Variants in LRMDA observed in about 807,000 individuals in gnomAD.
LRMDA encodes leucine rich melanocyte differentiation associated.
In LRMDA, 18 loss-of-function variants were observed where a neutral mutation model predicts 29.8. That is an observed-to-expected ratio of 0.60 (90% CI 0.42 to 0.90). The LOEUF (loss-of-function observed/expected upper bound fraction) is 0.90, where lower values mean the gene tolerates loss of function less well. Ranked by LOEUF, LRMDA falls within the 40% of genes least tolerant of loss-of-function variation. LRMDA has a pLI of 0.00. For missense variants in LRMDA, 273 were observed against 273.9 expected (o/e 1.00, Z 0.02); for synonymous variants, 125 against 109.4 (o/e 1.14, Z -0.89).
chr10:75,813,053 C>T (rs1379917615), intron 2 of LRMDA, among the ~76,000 whole-genome samples: 1 of 152,162 alleles, frequency 6.6e-6, no homozygotes, highest in Non-Finnish European at 1.5e-5. Flanking sequence ...TACACGGCTC[C>T]TGGGACAAAG....
chr10:75,737,063 A>G (rs1225973815), intron 2 of LRMDA, among the ~76,000 whole-genome samples: 6 of 147,348 alleles, frequency 4.1e-5, no homozygotes, highest in African/African-American at 7.8e-5. Context: ...GCACGCACGC[A>G]CACACACACA....
intron 2 of LRMDA, among the ~76,000 whole-genome samples, chr10:75,715,621 G>A (rs1564547881): frequency 6.6e-6 from 1 of 152,106 alleles, no homozygotes; most frequent in Non-Finnish European, 1.5e-5. Context: ...ATTTAGCCAA[G>A]TATATTTTGC....
intron 2 of LRMDA, among the ~76,000 whole-genome samples, chr10:75,559,323 A>C (rs1414770578): frequency 6.6e-6 from 1 of 150,746 alleles, no homozygotes; most frequent in African/African-American, 2.4e-5. Context: ...GGCTGCATAA[A>C]TGTCTTCTTT....
intron 5 of LRMDA, among the ~76,000 whole-genome samples, chr10:76,121,605 G>C (rs918603171): frequency 6.6e-6 from 1 of 152,260 alleles, no homozygotes; most frequent in African/African-American, 2.4e-5. Context: ...TCCCCTTAAT[G>C]TCATTCTCCC....
chr10:76,002,836 C>T (rs968008925), intron 2 of LRMDA, among the ~76,000 whole-genome samples: 2 of 152,166 alleles, frequency 1.3e-5, no homozygotes, highest in African/African-American at 4.8e-5. Flanking sequence ...TCAGGTTGTG[C>T]CAGACTGCAA....
chr10:76,056,496 A>G (rs1206961509), intron 4 of LRMDA, among the ~76,000 whole-genome samples: 1 of 152,150 alleles, frequency 6.6e-6, no homozygotes, highest in African/African-American at 2.4e-5. Flanking sequence ...CATGGTGCCC[A>G]GGCTGTTTGT....
At chr10:76,492,871 A>C (rs79449059) in intron 6 of LRMDA, among the ~76,000 whole-genome samples, 1 of 151,962 alleles carries the variant, frequency 6.6e-6, no homozygotes, top group Non-Finnish European at 1.5e-5. Context: ...CCATGATTCA[A>C]TTCTTCAATC....
intron 5 of LRMDA, among the ~76,000 whole-genome samples, chr10:76,191,570 G>A (rs1325772299): frequency 5.9e-5 from 9 of 152,166 alleles, no homozygotes. Flanking sequence ...GAATGTGGCT[G>A]GTGAGTTGGA....
At chr10:75,464,361 G>A (rs959418165) in intron 2 of LRMDA, among the ~76,000 whole-genome samples, 1 of 152,134 alleles carries the variant, frequency 6.6e-6, no homozygotes, top group African/African-American at 2.4e-5. Flanking sequence ...GTGTATACTC[G>A]AGTGGTGTGT....
chr10:75,588,945 T>A (rs1010716461), intron 2 of LRMDA, among the ~76,000 whole-genome samples: 10 of 152,252 alleles, frequency 6.6e-5, no homozygotes, highest in Admixed American at 2.0e-4. Context: ...GCTTCCTCAT[T>A]AAAATTTTAT....
chr10:76,047,910 GA>G (rs368266032), intron 4 of LRMDA, among the ~76,000 whole-genome samples: 1 of 152,338 alleles, frequency 6.6e-6, no homozygotes, highest in East Asian at 1.9e-4. Flanking sequence ...GCTCCAAGTA[GA>G]AATGCTTTTC....
intron 6 of LRMDA, among the ~76,000 whole-genome samples, chr10:76,537,456 T>C (rs1182135838): frequency 6.6e-6 from 1 of 152,222 alleles, no homozygotes; most frequent in Non-Finnish European, 1.5e-5. Context: ...TGGTCTTCAT[T>C]GAGCTAAAAT....
At chr10:75,990,890 C>T (rs1320045899) in intron 2 of LRMDA, among the ~76,000 whole-genome samples, 1 of 152,064 alleles carries the variant, frequency 6.6e-6, no homozygotes, top group Admixed American at 6.5e-5. Flanking sequence ...TGGAGGCCAT[C>T]GTGGGACCAT....
intron 2 of LRMDA, among the ~76,000 whole-genome samples, chr10:75,951,680 GT>G (rs1044588774): frequency 6.6e-6 from 1 of 151,968 alleles, no homozygotes; most frequent in African/African-American, 2.4e-5. Flanking sequence ...CCCCCAAATA[GT>G]TTTTTTTCCA....
chr10:76,307,336 CT>C (rs1167188193), intron 5 of LRMDA, among the ~76,000 whole-genome samples: 1 of 152,126 alleles, frequency 6.6e-6, no homozygotes, highest in Non-Finnish European at 1.5e-5. Flanking sequence ...GATTGAGCCA[CT>C]GCATAATGAG....
At chr10:75,712,179 CA>C (rs1842443997) in intron 2 of LRMDA, among the ~76,000 whole-genome samples, 1 of 152,072 alleles carries the variant, frequency 6.6e-6, no homozygotes, top group Admixed American at 6.5e-5. Context: ...GACTGGTGTG[CA>C]AATTGTTTTA....
intron 6 of LRMDA, among the ~76,000 whole-genome samples, chr10:76,350,320 C>A (rs1212912766): frequency 1.3e-5 from 2 of 152,060 alleles, no homozygotes; most frequent in Non-Finnish European, 2.9e-5. Context: ...TCAAGCAAGT[C>A]TTGCATGATA....
chr10:75,484,228 T>C (rs945644632), intron 2 of LRMDA, among the ~76,000 whole-genome samples: 2 of 152,172 alleles, frequency 1.3e-5, no homozygotes, highest in Non-Finnish European at 2.9e-5. Flanking sequence ...AGTGCTGGGA[T>C]TACAGACATG....
intron 2 of LRMDA, among the ~76,000 whole-genome samples, chr10:75,441,741 T>C (rs1844328932): frequency 6.6e-6 from 1 of 151,862 alleles, no homozygotes; most frequent in Non-Finnish European, 1.5e-5. Flanking sequence ...CCTCTACTTT[T>C]AGAATATCTC....
Sources: gnomAD v4.1 joint callset for allele counts (sites outside exome capture counted in the v4.1 genomes callset) on GRCh38, gnomAD v4.1.1 for gene constraint, MANE v1.5 for transcripts, NCBI Gene and HGNC (gene_info 2026-07-23, HGNC 2026-07-21) for gene names.